The following DLG3 variants were observed in gnomAD, a reference collection of about 807,000 sequenced individuals.
The protein encoded by DLG3 is disks large homolog 3.
In DLG3, 1 loss-of-function variant was observed where a neutral mutation model predicts 64.1. The observed-to-expected ratio is 0.02, with a 90% CI of 0.01 to 0.07. The LOEUF is 0.07. DLG3 is among the 10% of genes least tolerant of loss of function. DLG3 has a pLI of 1.00. For synonymous variants in DLG3, 245 were observed against 259.8 expected, an observed-to-expected ratio of 0.94 and a Z score of 0.55; for missense variants, 429 against 669.5, an observed-to-expected ratio of 0.64 and a Z score of 3.96.
In DLG3 at chrX:70,501,698, C is replaced by T. The variant is rs746875891; in HGVS notation, c.2348-465C>T. Reference sequence around the variant, plus strand: ...CTGACATACAGCAGATGTGATGGGCCCAGGAGCGCTGCCTCTTGCCAGAAA... The same window carrying T: ...CTGACATACAGCAGATGTGATGGGCTCAGGAGCGCTGCCTCTTGCCAGAAA... On this transcript the variant is annotated intron_variant, in intron 18 of 18. Transcript: ENST00000374360. Among the ~76,000 whole-genome samples, 82 of 110,432 alleles carry T rather than the reference C, an allele frequency of 7.4e-4. 1 individual carries two copies. In the Middle Eastern group the frequency reaches 0.023, roughly 31 times the overall value.
At chrX:70,502,012 C>T in intron 18 of DLG3, 151 bp from the exon 19 acceptor site, 1 of 500,240 alleles carries the variant, frequency 2.0e-6, no homozygotes, top group Non-Finnish European at 3.6e-6. Context: ...TGAACCCAAG[C>T]CCAAACCCAT....
intron 9 of DLG3, among the ~76,000 whole-genome samples, chrX:70,470,862 C>T (rs908732343): frequency 3.6e-5 from 4 of 111,570 alleles, no homozygotes; most frequent in Non-Finnish European, 7.5e-5. Context: ...GTGTCCAGTT[C>T]GCAATAGGGA....
chrX:70,485,001 T>A (rs902683431), intron 10 of DLG3, among the ~76,000 whole-genome samples: 1 of 112,303 alleles, frequency 8.9e-6, no homozygotes, highest in Non-Finnish European at 1.9e-5. Context: ...GACTGTTGCT[T>A]TATAACTTTC....
chrX:70,458,941 A>G (rs769900449), intron 9 of DLG3, among the ~76,000 whole-genome samples: 1 of 112,485 alleles, frequency 8.9e-6, no homozygotes, highest in Non-Finnish European at 1.9e-5. Flanking sequence ...CTCTCTTAAA[A>G]TCTATTCTAA....
At chrX:70,496,302 G>T (rs948378283) in intron 13 of DLG3, among the ~76,000 whole-genome samples, 4 of 112,444 alleles carry the variant, frequency 3.6e-5, no homozygotes, top group African/African-American at 1.3e-4. Flanking sequence ...CTTTCTGGGT[G>T]GGGGGGCCAC....
chrX:70,451,208 TCTC>T (rs375447329), intron 6 of DLG3, among the ~76,000 whole-genome samples: 1,575 of 111,691 alleles, frequency 0.014, 27 homozygotes, highest in African/African-American at 0.048. Context: ...TTCAAGCAAT[TCTC>T]CTGCCTCAGC....
rs755509015 is a variant in DLG3 at position 70,502,202 on chromosome X, A to G, written c.2387A>G (p.Lys796Arg). 8.3e-7 allele frequency: 1 copy of G among 1,209,633 alleles called. No homozygotes were observed. The highest frequency in any genetic ancestry group is 1.8e-5 in the South Asian group (1 of 56,724). Residue 796 changes from lysine (K) to arginine (R), a missense_variant, in exon 19 of 19, where the codon AAA (lysine) becomes AGA (arginine). Transcript: ENST00000374360. ...GACTCACTGGAAGAGATTTATAACA[A>G]AATCAAACAAATCATTGAGGACCAG... ...QGDSLEEIYN[K>R]IKQIIEDQSG... is the part of the protein sequence containing the mutation.
At chrX:70,471,565 G>A (rs958175887) in intron 9 of DLG3, among the ~76,000 whole-genome samples, 3 of 111,033 alleles carry the variant, frequency 2.7e-5, no homozygotes, top group Non-Finnish European at 3.8e-5. Context: ...TCCTGACCTC[G>A]TGATCCGCCC....
chrX:70,451,757 C>T (rs2086620805), intron 6 of DLG3, 110 bp from the exon 7 acceptor site: 5 of 944,346 alleles, frequency 5.3e-6, no homozygotes, highest in Non-Finnish European at 7.5e-6. Context: ...GAATCAGCAT[C>T]CCTTGGTCTC....
chrX:70,473,339 C>T (rs1012431482), intron 9 of DLG3, among the ~76,000 whole-genome samples: 2 of 109,984 alleles, frequency 1.8e-5, no homozygotes, highest in African/African-American at 3.3e-5. Flanking sequence ...TCTTCACCAG[C>T]GCCCTTTCCC....
intron 1 of DLG3, among the ~76,000 whole-genome samples, chrX:70,446,040 G>A (rs1388086339): frequency 9.0e-6 from 1 of 110,691 alleles, no homozygotes; most frequent in Non-Finnish European, 1.9e-5. Flanking sequence ...GAGCCCATGT[G>A]CCCGGCTCGC....
intron 9 of DLG3, among the ~76,000 whole-genome samples, chrX:70,466,841 A>G (rs1267518831): frequency 8.9e-6 from 1 of 112,008 alleles, no homozygotes; most frequent in Non-Finnish European, 1.9e-5. Context: ...GAGGTTTAGA[A>G]GGGCCTTGCC....
chrX:70,498,181 C>T (rs1252988082), intron 13 of DLG3, among the ~76,000 whole-genome samples: 2 of 112,597 alleles, frequency 1.8e-5, no homozygotes, highest in African/African-American at 6.5e-5. Flanking sequence ...GTGTCCCTGT[C>T]ATTCTTACCA....
chrX:70,500,995 A>G lies in DLG3; in HGVS notation c.2347+6A>G. On this transcript the variant is annotated splice_donor_region_variant and intron_variant, in intron 18 of 18. Coordinates refer to ENST00000374360, the MANE Select transcript of DLG3 (RefSeq NM_021120.4). The stretch of plus-strand genomic sequence containing the variant: ...ATTTGGAGAGTACTTTACAGGTAAG[A>G]CTCCTGCTGCCCTGCGGGGGGTTCT... The G allele has an allele frequency of 8.6e-7, 1 of 1,164,845 alleles. No homozygotes were observed. The highest frequency in any genetic ancestry group is 1.9e-5 in the South Asian group (1 of 53,116).
At chrX:70,448,238 C>A (rs767412722) in intron 1 of DLG3, among the ~76,000 whole-genome samples, 1 of 112,020 alleles carries the variant, frequency 8.9e-6, no homozygotes, top group Non-Finnish European at 1.9e-5. Flanking sequence ...TGCTGGGGTA[C>A]GGGGATGAGT....
intron 9 of DLG3, among the ~76,000 whole-genome samples, chrX:70,464,729 G>A (rs1222071582): frequency 8.9e-6 from 1 of 111,939 alleles, no homozygotes; most frequent in Non-Finnish European, 1.9e-5. Context: ...GCCCAGAAGG[G>A]TGAATCACTT....
At chrX:70,450,086 G>A (rs2086603133) in intron 4 of DLG3, 83 bp from the exon 5 acceptor site, 2 of 1,153,738 alleles carry the variant, frequency 1.7e-6, no homozygotes, top group Middle Eastern at 2.6e-4. Context: ...GGGTTGGCTG[G>A]GGGAGGGGGT....
At position 70,445,508 on chromosome X, in the gene DLG3, C is replaced by T. The variant is rs1364830156; in HGVS notation, c.307C>T (p.Pro103Ser). 3 of 1,192,424 alleles carry T rather than the reference C, an allele frequency of 2.5e-6. No individual in the cohort carries two copies. The highest frequency in any genetic ancestry group is 3.7e-5 in the South Asian group (2 of 54,310). Residue 103 changes from proline (P) to serine (S), a missense_variant, in exon 1 of 19, where the codon CCC becomes TCC. By Grantham distance (74) the Pro-to-Ser change is moderately conservative (BLOSUM62 -1). Coordinates refer to ENST00000374360, the MANE Select transcript of DLG3 (RefSeq NM_021120.4). ...KSTPKLNGSG[P>S]SWWPECTCTN... ...CACCCCCAAACTCAACGGCAGCGGC[C>T]CCAGCTGGTGGCCAGAGTGCACCTG...
intron 18 of DLG3, 97 bp from the exon 19 acceptor site, chrX:70,502,066 G>C: frequency 1.5e-6 from 1 of 650,866 alleles, no homozygotes; most frequent in Non-Finnish European, 2.5e-6. Flanking sequence ...AGGGGGTGGA[G>C]GGGGGACTTG....
Sources: allele counts gnomAD v4.1 joint callset (sites outside exome capture counted in the v4.1 genomes callset), GRCh38; gene constraint gnomAD v4.1.1; transcripts MANE v1.5; gene names NCBI Gene and HGNC (gene_info 2026-07-23, HGNC 2026-07-21).